The following SF3B1 variants were observed in gnomAD, a reference collection of about 807,000 sequenced individuals.
The protein encoded by SF3B1 is splicing factor 3b subunit 1.
A neutral mutation model predicts 153.8 loss-of-function variants in SF3B1; 12 were observed. The observed-to-expected ratio is 0.08, with a 90% CI of 0.05 to 0.13. The LOEUF (loss-of-function observed/expected upper bound fraction) is 0.13. Among genes scored for constraint, SF3B1 ranks in the 10% least tolerant of loss-of-function variants. The pLI is 1.00. For missense variants in SF3B1, 513 were observed against 1,606.1 expected (o/e 0.32, Z 11.63); for synonymous variants, 498 against 525.2 (o/e 0.95, Z 0.71).
At chr2:197,395,940 A>G in intron 23 of SF3B1, 116 bp downstream of exon 23, 2 of 830,286 alleles carry the variant, frequency 2.4e-6, no homozygotes, top group Non-Finnish European at 3.8e-6. Context: ...ACTCCAGGCT[A>G]GCAATTTTTT....
At chr2:197,428,659 C>CA (rs1332888799) in intron 1 of SF3B1, among the ~76,000 whole-genome samples, 1 of 152,102 alleles carries the variant, frequency 6.6e-6, no homozygotes, top group Non-Finnish European at 1.5e-5. Flanking sequence ...TTTGGGAAGT[C>CA]AAGACAGTTG....
intron 8 of SF3B1, 33 bp from the exon 9 acceptor site, chr2:197,408,152 T>C (rs1478277021): frequency 2.6e-6 from 4 of 1,559,994 alleles, no homozygotes; most frequent in Non-Finnish European, 3.5e-6. Context: ...ATATAATCTA[T>C]AGTACAAGAC....
At position 197,398,544 on chromosome 2, in the gene SF3B1, C is replaced by T. The variant is rs770896611; in HGVS notation, c.3051G>A (p.Leu1017=). 1.9e-6 allele frequency: 3 copies of T among 1,613,350 alleles called. No individual in the cohort carries two copies. The highest frequency in any genetic ancestry group is 1.3e-5 in the African/African-American group (1 of 75,014). ...TCTTTAAGATGGGGGTGAGTCTAGG[C>T]AGCAGATCTTTAATTGGTGGAGTCA... is the stretch of plus-strand genomic sequence containing the variant. The part of the protein sequence containing the change: ...HKMTPPIKDL[L]PRLTPILKNR... The change falls in exon 21 of 25, where the codon CTG becomes CTA. Residue 1017 remains leucine (L), a synonymous_variant. Transcript: ENST00000335508.
chr2:197,424,042 T>C, intron 1 of SF3B1, 68 bp from the exon 2 acceptor site: 2 of 1,286,896 alleles, frequency 1.6e-6, no homozygotes, highest in Non-Finnish European at 2.2e-6. Flanking sequence ...AATGCATTTC[T>C]TTACTAGGTA....
intron 20 of SF3B1, among the ~76,000 whole-genome samples, chr2:197,399,490 C>T (rs1249039423): frequency 1.3e-5 from 2 of 152,086 alleles, no homozygotes; most frequent in Non-Finnish European, 2.9e-5. Context: ...ACTTTGCTCT[C>T]CATATCCAAG....
At chr2:197,422,395 G>A (rs1218204327) in intron 2 of SF3B1, among the ~76,000 whole-genome samples, 3 of 151,948 alleles carry the variant, frequency 2.0e-5, no homozygotes, top group Admixed American at 6.6e-5. Flanking sequence ...ATCACACACC[G>A]GGGCTTGTCA....
In SF3B1 at chr2:197,391,412, A is replaced by G. The variant is rs2084808774; in HGVS notation, c.*891T>C. The G allele has an allele frequency of 6.6e-6, 1 of 152,256 alleles. No homozygotes were observed. The allele number at this position is 152,256 out of a possible 1,614,324, so 9.4% of individuals were successfully genotyped here. On this transcript the variant is annotated 3_prime_UTR_variant, in exon 25 of 25. Transcript: ENST00000335508. ...ACCTTTGCATCCCCTGCATATAAGCACAGTGGCTGGCATACAGTGGGTGAA... is the reference window on the plus strand; with the variant it reads ...ACCTTTGCATCCCCTGCATATAAGCGCAGTGGCTGGCATACAGTGGGTGAA...
chr2:197,418,803 C>T, intron 4 of SF3B1: 1 of 1,492,652 alleles, frequency 6.7e-7, no homozygotes, highest in African/African-American at 1.4e-5. Flanking sequence ...CAGTTTAAAA[C>T]AAATATTTTA....
chr2:197,423,619 TAAATTCTCAGAACAAAGCA>T (rs2085283900), intron 2 of SF3B1, among the ~76,000 whole-genome samples, 170 bp downstream of exon 2: 1 of 152,182 alleles, frequency 6.6e-6, no homozygotes, highest in Admixed American at 6.5e-5. Flanking sequence ...GTCTTTACCA[TAAATTCTCAGAACAAAGCA>T]TTTCCAGTGA....
At chr2:197,412,422 C>T (rs2085083498) in intron 6 of SF3B1, among the ~76,000 whole-genome samples, 1 of 151,654 alleles carries the variant, frequency 6.6e-6, no homozygotes, top group Admixed American at 6.6e-5. Flanking sequence ...ATGGCGCAGT[C>T]TCGGCTCCCT....
At chr2:197,421,995 C>T (rs186867168) in intron 2 of SF3B1, among the ~76,000 whole-genome samples, 13 of 152,120 alleles carry the variant, frequency 8.5e-5, no homozygotes, top group Non-Finnish European at 1.3e-4. Flanking sequence ...AACAAAACCA[C>T]ATACATAGTG....
At chr2:197,425,826 C>T (rs971472914) in intron 1 of SF3B1, among the ~76,000 whole-genome samples, 9 of 151,834 alleles carry the variant, frequency 5.9e-5, no homozygotes, top group African/African-American at 2.2e-4. Flanking sequence ...ATGGCAAAAC[C>T]CTATCTCTAC....
chr2:197,396,961 T>G (rs2084881817), intron 22 of SF3B1, among the ~76,000 whole-genome samples: 1 of 152,254 alleles, frequency 6.6e-6, no homozygotes, highest in African/African-American at 2.4e-5. Flanking sequence ...GGGTGTTGTC[T>G]GGTATAATTC....
At chr2:197,425,079 C>T (rs1353853786) in intron 1 of SF3B1, among the ~76,000 whole-genome samples, 1 of 151,916 alleles carries the variant, frequency 6.6e-6, no homozygotes, top group Non-Finnish European at 1.5e-5. Flanking sequence ...CTGCTTGAAC[C>T]CGGGAGGCCA....
chr2:197,390,195 C>T lies in SF3B1; in HGVS notation c.*2108G>A, dbSNP rs1176653076. 1 of 152,140 alleles carries T rather than the reference C, an allele frequency of 6.6e-6. No homozygotes were observed. The highest frequency in any genetic ancestry group is 2.4e-5 in the African/African-American group (1 of 41,436). 9.4% of individuals were successfully genotyped at this position (152,140 alleles called of 1,614,324 possible). A position where few individuals can be genotyped will look rare whatever the true frequency, so the allele number is the denominator to read the frequency against. On this transcript the variant is annotated 3_prime_UTR_variant, in exon 25 of 25. Transcript: ENST00000335508. Reference sequence around the variant, plus strand: ...CTCTCTATCCTCAAATTATTTGCATCAGTAAAAAAAGTTAATTAAGGTGTA... The same window carrying T: ...CTCTCTATCCTCAAATTATTTGCATTAGTAAAAAAAGTTAATTAAGGTGTA...
rs775739597 is a variant in SF3B1 at position 197,410,041 on chromosome 2, C to A, written c.667-34G>T. 4.2e-5 allele frequency: 57 copies of A among 1,358,692 alleles called. 1 individual carries two copies. In the East Asian group the frequency reaches 1.2e-3, roughly 28 times the overall value. The allele number at this position is 1,358,692 out of a possible 1,614,324, so 84.2% of individuals were successfully genotyped here. A position where few individuals can be genotyped will look rare whatever the true frequency, so the allele number is the denominator to read the frequency against. ...AGCAAAAAAATTTTATTTCACACAC[C>A]CACACAGAAATAATTAGAAAATTTC... On this transcript the variant is annotated intron_variant, in intron 6 of 24. Coordinates refer to ENST00000335508, the MANE Select transcript of SF3B1 (RefSeq NM_012433.4).
intron 1 of SF3B1, among the ~76,000 whole-genome samples, chr2:197,424,253 CTT>C (rs1043857422): frequency 6.6e-6 from 1 of 152,132 alleles, no homozygotes; most frequent in Non-Finnish European, 1.5e-5. Context: ...AATCCCAACA[CTT>C]TGGGAGGAGG....
At chr2:197,412,970 CA>C (rs779446735) in intron 6 of SF3B1, among the ~76,000 whole-genome samples, 2,883 of 45,520 alleles carry the variant, frequency 0.063, 16 homozygotes, top group East Asian at 0.089. Flanking sequence ...ACTGTTGTCT[CA>C]AAAAAAAAAA....
At position 197,402,291 on chromosome 2, in the gene SF3B1, C is replaced by A; in HGVS notation, c.2078-161G>T. 1 of 791,946 alleles carries A rather than the reference C, an allele frequency of 1.3e-6. No homozygotes were observed. Among genetic ancestry groups the A allele is most frequent in the Non-Finnish European group, 2.0e-6 (1 of 508,670 alleles). The allele number at this position is 791,946 out of a possible 1,614,324, so 49.1% of individuals were successfully genotyped here. On this transcript the variant is annotated intron_variant, in intron 14 of 24. Coordinates refer to ENST00000335508, the MANE Select transcript of SF3B1 (RefSeq NM_012433.4). The surrounding 1 kb of genome is among the most constrained non-coding windows in gnomAD (Gnocchi z 4.6). ...CAAAACATGAACCATAGCCTGTCAG[C>A]AGATAATATAACAAACCCATCATAA...
Sources: gnomAD v4.1 joint callset for allele counts (sites outside exome capture counted in the v4.1 genomes callset) on GRCh38, gnomAD v4.1.1 for gene constraint, Gnocchi (gnomAD v3.1) non-coding constraint, MANE v1.5 for transcripts, NCBI Gene and HGNC (gene_info 2026-07-23, HGNC 2026-07-21) for gene names.